The following SPTBN5 variants were observed in gnomAD, a reference collection of about 807,000 sequenced individuals.
The protein encoded by SPTBN5 is spectrin beta chain, non-erythrocytic 5.
In SPTBN5, 513 loss-of-function variants were observed where a neutral mutation model predicts 477.6. The ratio of observed to expected loss-of-function variants is 1.07; its 90% CI spans 1.00 to 1.16. The LOEUF (loss-of-function observed/expected upper bound fraction) is 1.16, where lower values mean the gene tolerates loss of function less well. Ranked by LOEUF, SPTBN5 falls within the 50% of genes most tolerant of loss-of-function variation. SPTBN5 has a pLI of 0.00. For synonymous variants in SPTBN5, 2,169 were observed against 2,011.7 expected (o/e 1.08, Z -2.09); for missense variants, 5,062 against 4,731.8 (o/e 1.07, Z -2.05).
intron 3 of SPTBN5, among the ~76,000 whole-genome samples, chr15:41,891,517 G>A (rs533718481): frequency 2.0e-5 from 3 of 149,328 alleles, no homozygotes; most frequent in African/African-American, 7.5e-5. Context: ...CCTATTGAGC[G>A]ATGTCACGCT....
At position 41,853,674 on chromosome 15, in the gene SPTBN5, C is replaced by G; in HGVS notation, c.9888G>C (p.Trp3296Cys). The change falls in exon 58 of 68, where the codon TGG (tryptophan) becomes TGC (cysteine). Residue 3296 changes from tryptophan (W) to cysteine (C), a missense_variant. Coordinates refer to ENST00000320955, the MANE Select transcript of SPTBN5 (RefSeq NM_016642.4). ...PGGLAKVQEAWATLQAKAQER... is the reference protein window; with the variant it reads ...PGGLAKVQEACATLQAKAQER... ...CCTGGGCCTTCGCCTGCAGGGTGGC[C>G]CAGGCCTCCTGCACCTTGGCCAGGC... 1 of 1,601,836 alleles carries G rather than the reference C, an allele frequency of 6.2e-7. No individual in the cohort carries two copies. Among genetic ancestry groups the G allele is most frequent in the Non-Finnish European group, 8.5e-7 (1 of 1,176,200 alleles).
At chr15:41,851,430 G>A in intron 63 of SPTBN5, 61 bp from the exon 64 acceptor site, 1 of 1,228,658 alleles carries the variant, frequency 8.1e-7, no homozygotes, top group Non-Finnish European at 1.2e-6. Context: ...GCTAGGGCCT[G>A]TCCACGCCTC....
Position 41,862,200 on chromosome 15 carries a change from A to T in SPTBN5, c.7478T>A (p.Met2493Lys). The T allele has an allele frequency of 1.2e-6, 2 of 1,611,152 alleles. No homozygotes were observed. Among genetic ancestry groups the T allele is most frequent in the Non-Finnish European group, 1.7e-6 (2 of 1,178,876 alleles). The change falls in exon 44 of 68, where the codon ATG becomes AAG. Residue 2493 changes from methionine (M) to lysine (K), a missense_variant. Met to Lys is a moderately conservative substitution (Grantham distance 95). Transcript: ENST00000320955. ...GCTGCGAGGAGCGGGGCTCGTGTCC[A>T]TCTGAGCCCGCAGCCTCTGGGCGCT... The part of the protein sequence containing the change: ...LVSAQRLRAQ[M>K]DTSPAPRSPV...
chr15:41,851,562 G>A (rs1366365301), intron 63 of SPTBN5, among the ~76,000 whole-genome samples, 193 bp from the exon 64 acceptor site: 1 of 98,968 alleles, frequency 1.0e-5, no homozygotes, highest in African/African-American at 3.4e-5. Flanking sequence ...AGGTGGGGAG[G>A]AGGAATCCCA....
At chr15:41,862,018 G>T in intron 44 of SPTBN5, 95 bp from the exon 45 acceptor site, 1 of 1,522,582 alleles carries the variant, frequency 6.6e-7, no homozygotes. Flanking sequence ...GAGGCTGGAG[G>T]AGATAGGCAG....
chr15:41,849,996 C>T (rs2065698252), intron 66 of SPTBN5, 37 bp from the exon 67 acceptor site: 3 of 1,523,470 alleles, frequency 2.0e-6, no homozygotes, highest in Non-Finnish European at 2.7e-6. Context: ...TAGCCCGGCC[C>T]AGACCATCTG....
At chr15:41,864,520 G>A (rs2140932160) in intron 39 of SPTBN5, among the ~76,000 whole-genome samples, 1 of 152,324 alleles carries the variant, frequency 6.6e-6, no homozygotes, top group East Asian at 1.9e-4. Flanking sequence ...CACCATGTTG[G>A]CCAGGCTTGT....
chr15:41,851,581 T>TGGAG (rs138547502), intron 63 of SPTBN5, among the ~76,000 whole-genome samples, 198 bp downstream of exon 63: 1 of 119,992 alleles, frequency 8.3e-6, no homozygotes, highest in Non-Finnish European at 1.7e-5. Flanking sequence ...CAGCACCTCC[T>TGGAG]GGTGGGGGTG....
intron 22 of SPTBN5, 113 bp from the exon 23 acceptor site, chr15:41,875,169 TC>T: frequency 9.6e-7 from 1 of 1,044,634 alleles, no homozygotes; most frequent in Non-Finnish European, 1.4e-6. Flanking sequence ...GGGAGCTCTG[TC>T]CCCACCACTG....
rs983022630 is a variant in SPTBN5, at chr15:41,882,257, C to A, written c.2247+12G>T. On this transcript the variant is annotated intron_variant, in intron 11 of 67. Coordinates refer to ENST00000320955, the MANE Select transcript of SPTBN5 (RefSeq NM_016642.4). Reference sequence around the variant, plus strand: ...GCCCCGCCCCCACCCCGCCTCCACCCCTCCCCACTACCTGCAGGACCAGCA... The same window carrying A: ...GCCCCGCCCCCACCCCGCCTCCACCACTCCCCACTACCTGCAGGACCAGCA... 7 of 1,452,776 alleles carry A rather than the reference C, an allele frequency of 4.8e-6. No individual in the cohort carries two copies. Among genetic ancestry groups the A allele is most frequent in the African/African-American group, 1.5e-5 (1 of 68,744 alleles). 90.0% of individuals were successfully genotyped at this position (1,452,776 alleles called of 1,614,324 possible). A position where few individuals can be genotyped will look rare whatever the true frequency, so the allele number is the denominator to read the frequency against.
chr15:41,885,545 C>T (rs1402288306), intron 7 of SPTBN5, among the ~76,000 whole-genome samples, 190 bp downstream of exon 7: 1 of 152,132 alleles, frequency 6.6e-6, no homozygotes, highest in Non-Finnish European at 1.5e-5. Context: ...AAGTGCTTCA[C>T]CAATAGGAAT....
chr15:41,850,363 G>A, intron 66 of SPTBN5: 1 of 245,128 alleles, frequency 4.1e-6, no homozygotes, highest in Non-Finnish European at 8.0e-6. Flanking sequence ...AGAGCACGCT[G>A]ACCACGGAAG....
At chr15:41,878,214 A>G (rs966873694) in intron 17 of SPTBN5, 128 bp downstream of exon 17, 13 of 1,153,086 alleles carry the variant, frequency 1.1e-5, no homozygotes, top group Admixed American at 5.2e-5. Flanking sequence ...CATGCCAGAC[A>G]CCAACCAGTC....
chr15:41,871,711 G>A (rs975357303), intron 28 of SPTBN5, 71 bp downstream of exon 28: 86 of 1,436,616 alleles, frequency 6.0e-5, no homozygotes, highest in Non-Finnish European at 7.2e-5. Context: ...CCTCCGCCCC[G>A]CCAGAGCCAG....
At chr15:41,887,852 C>A in intron 5 of SPTBN5, 76 bp downstream of exon 5, 1 of 1,434,678 alleles carries the variant, frequency 7.0e-7, no homozygotes, top group South Asian at 1.3e-5. Flanking sequence ...TGTGGGAGAA[C>A]GGGTGGGCTG....
intron 67 of SPTBN5, among the ~76,000 whole-genome samples, chr15:41,849,457 A>G (rs972903098): frequency 1.3e-5 from 2 of 152,126 alleles, no homozygotes; most frequent in African/African-American, 2.4e-5. Context: ...CGTCCTGCCA[A>G]TGTGCTGTGC....
At position 41,887,262 on chromosome 15, in the gene SPTBN5, T is replaced by C. The variant is rs1272967323; in HGVS notation, c.839A>G (p.Tyr280Cys). The change falls in exon 6 of 68, where the codon TAC (tyrosine) becomes TGC (cysteine). Residue 280 changes from tyrosine (Y) to cysteine (C), a missense_variant. By Grantham distance (194) the Tyr-to-Cys change is radical (BLOSUM62 -2). Transcript: ENST00000320955. ...CTGCCCCTGATGCAGGCGGGAGCAG[T>C]AGTGGTAGTAGAGGGAGACGTAGGT... ...IMTYVSLYYH[Y>C]CSRLHQGQTV... 1.9e-6 allele frequency: 3 copies of C among 1,551,040 alleles called. No homozygotes were observed. The highest frequency in any genetic ancestry group is 2.4e-5 in the South Asian group (2 of 84,034).
chr15:41,871,636 G>A (rs867011184), intron 28 of SPTBN5, 116 bp from the exon 29 acceptor site: 8 of 1,410,486 alleles, frequency 5.7e-6, no homozygotes, highest in South Asian at 3.1e-5. Context: ...TAGCCACGGC[G>A]TCTGCCCGCT....
chr15:41,878,396 C>T lies in SPTBN5; in HGVS notation c.3416G>A (p.Arg1139Gln), dbSNP rs758888579. 29 of 1,613,630 alleles carry T rather than the reference C, an allele frequency of 1.8e-5. No homozygotes were observed. The highest frequency in any genetic ancestry group is 6.6e-5 in the South Asian group (6 of 91,086). The change falls in exon 17 of 68, where the codon CGG (arginine) becomes CAG (glutamine). Residue 1139 changes from arginine (R) to glutamine (Q), a missense_variant. Transcript: ENST00000320955. ...CAGGTCTTGGTGCTCCCTCAGCAGC[C>T]GCTGAGCCGAGGCCACATCCACTGA... ...EVSVDVASAQ[R>Q]LLREHQDLLE...
Sources: gnomAD v4.1 joint callset for allele counts (sites outside exome capture counted in the v4.1 genomes callset) on GRCh38, gnomAD v4.1.1 for gene constraint, MANE v1.5 for transcripts, NCBI Gene and HGNC (gene_info 2026-07-23, HGNC 2026-07-21) for gene names.